The following ADARB2 variants were observed in gnomAD, a reference collection of about 807,000 sequenced individuals.
ADARB2 encodes the protein adenosine deaminase RNA specific B2 (inactive).
ADARB2 carries 25 observed loss-of-function variants against 62.2 expected under a neutral mutation model. The observed-to-expected ratio is 0.40, with a 90% CI of 0.29 to 0.56. The LOEUF (loss-of-function observed/expected upper bound fraction) is 0.56, where lower values mean the gene tolerates loss of function less well. Among genes scored for constraint, ADARB2 ranks in the 20% least tolerant of loss-of-function variants. The pLI is 0.43. For synonymous variants in ADARB2, 572 were observed against 500.8 expected (o/e 1.14, Z -1.90); for missense variants, 1,071 against 1,077.4 (o/e 0.99, Z 0.08).
chr10:1,670,024 G>C (rs371323114), intron 1 of ADARB2, among the ~76,000 whole-genome samples: 6 of 152,240 alleles, frequency 3.9e-5, no homozygotes, highest in Admixed American at 6.5e-5. Context: ...GCGTCTGTGA[G>C]TCTCACACTT....
At chr10:1,569,249 GGAGAGACAGAGAGCGAGAGA>G (rs1210066088) in intron 1 of ADARB2, among the ~76,000 whole-genome samples, 1 of 151,546 alleles carries the variant, frequency 6.6e-6, no homozygotes, top group African/African-American at 2.4e-5. Flanking sequence ...TGGTGGCGGG[GGAGAGACAGAGAGCGAGAGA>G]GAGAGACAGA....
chr10:1,603,178 T>G (rs1439476407), intron 1 of ADARB2, among the ~76,000 whole-genome samples: 1 of 127,426 alleles, frequency 7.8e-6, no homozygotes, highest in Non-Finnish European at 1.7e-5. Flanking sequence ...CACACACACC[T>G]GTACACACAT....
At position 1,347,063 on chromosome 10, in the gene ADARB2, C is replaced by T. The variant is rs115765001; in HGVS notation, c.1077+15965G>A. On this transcript the variant is annotated intron_variant, in intron 3 of 9. Transcript: ENST00000381312. ...AGAACTGCATGTGAACATTCCATCA[C>T]AGATCCTTATTTTCAAGATGAGGAA... is the stretch of plus-strand genomic sequence containing the variant. Among the ~76,000 whole-genome samples the T allele has an allele frequency of 8.3e-3, 1,261 of 152,352 alleles. 10 individuals carry two copies. Among genetic ancestry groups the T allele is most frequent in the African/African-American group, 0.019 (776 of 41,578 alleles).
At chr10:1,594,253 T>C (rs1833303547) in intron 1 of ADARB2, among the ~76,000 whole-genome samples, 1 of 152,154 alleles carries the variant, frequency 6.6e-6, no homozygotes, top group Admixed American at 6.5e-5. Context: ...ATCGTGCCAC[T>C]GCACTCCAGC....
intron 1 of ADARB2, among the ~76,000 whole-genome samples, chr10:1,499,560 C>T (rs1249609850): frequency 6.6e-6 from 1 of 151,958 alleles, no homozygotes; most frequent in Non-Finnish European, 1.5e-5. Context: ...ACTCATCACT[C>T]ATCACTCACT....
Position 1,240,328 on chromosome 10 carries a change from C to CCGGTGTTTACTCCCCTCTGCT in ADARB2, c.1361+1802_1361+1803insAGCAGAGGGGAGTAAACACCG, listed in dbSNP as rs1830903122. ...CCTCCCGGTGTTTACTCCCCTCTGC[C>CCGGTGTTTACTCCCCTCTGCT]TCCCGGTGTTTACTCCCTGTGTCCT... On this transcript the variant is annotated intron_variant, in intron 5 of 9. Coordinates refer to ENST00000381312, the MANE Select transcript of ADARB2 (RefSeq NM_018702.4). The CCGGTGTTTACTCCCCTCTGCT allele has an allele frequency of 5.0e-5, 2 of 40,234 alleles. 1 individual carries two copies. Among genetic ancestry groups the CCGGTGTTTACTCCCCTCTGCT allele is most frequent in the Admixed American group, 3.9e-4 (2 of 5,148 alleles). The allele number at this position is 40,234 out of a possible 1,614,324, so 2.5% of individuals were successfully genotyped here.
At chr10:1,331,506 G>C (rs138552464) in intron 3 of ADARB2, among the ~76,000 whole-genome samples, 2 of 152,180 alleles carry the variant, frequency 1.3e-5, no homozygotes, top group Non-Finnish European at 2.9e-5. Flanking sequence ...GCTCACTTAT[G>C]TGTGATTCTA....
intron 1 of ADARB2, among the ~76,000 whole-genome samples, chr10:1,577,503 A>G (rs1042518326): frequency 6.6e-6 from 1 of 152,216 alleles, no homozygotes; most frequent in Admixed American, 6.5e-5. Context: ...TGGTGACTCT[A>G]TCCAAAAGCA....
intron 2 of ADARB2, among the ~76,000 whole-genome samples, chr10:1,366,085 C>T (rs1832311222): frequency 6.6e-6 from 1 of 152,146 alleles, no homozygotes; most frequent in Admixed American, 6.5e-5. Flanking sequence ...GCGTCTGTGA[C>T]AAGGCTGCTG....
intron 4 of ADARB2, among the ~76,000 whole-genome samples, chr10:1,256,925 C>G (rs995937617): frequency 2.6e-5 from 4 of 152,206 alleles, no homozygotes; most frequent in African/African-American, 9.7e-5. Flanking sequence ...GGATGGCTGA[C>G]AAGGTCTCCT....
rs188591706 is a variant in ADARB2 at position 1,494,586 on chromosome 10, A to T, written c.101-115426T>A. On this transcript the variant is annotated intron_variant, in intron 1 of 9. Coordinates refer to ENST00000381312, the MANE Select transcript of ADARB2 (RefSeq NM_018702.4). ...TTAAATGTTATTTTCAGCTTGGCAGAACATCAACTGCTGAGTACCCTTTAG... is the reference window on the plus strand; with the variant it reads ...TTAAATGTTATTTTCAGCTTGGCAGTACATCAACTGCTGAGTACCCTTTAG... Among the ~76,000 whole-genome samples the T allele has an allele frequency of 2.6e-5, 4 of 152,292 alleles. No homozygotes were observed. In the East Asian group the frequency reaches 7.7e-4, roughly 29 times the overall value.
intron 1 of ADARB2, among the ~76,000 whole-genome samples, chr10:1,413,786 G>C (rs1026712256): frequency 3.3e-5 from 5 of 152,010 alleles, no homozygotes; most frequent in African/African-American, 1.2e-4. Context: ...TTAATTTTTT[G>C]GTCAAAACCC....
intron 3 of ADARB2, among the ~76,000 whole-genome samples, chr10:1,285,693 A>C (rs2131807479): frequency 6.6e-6 from 1 of 152,310 alleles, no homozygotes; most frequent in South Asian, 2.1e-4. Flanking sequence ...ATTGGCTCCG[A>C]TTACCATGGC....
At position 1,183,319 on chromosome 10, in the gene ADARB2, C is replaced by T; in HGVS notation, c.2094G>A (p.Glu698=). The change falls in exon 10 of 10, where the codon GAG becomes GAA. Residue 698 remains glutamate, a synonymous_variant. Transcript: ENST00000381312. The part of the protein sequence containing the change: ...SPGDTPSMYC[E]AKLGAHTYQS... ...GGTAGGTGTGCGCCCCCAGCTTGGC[C>T]TCACAGTACATGGAGGGCGTGTCTC... 1 of 1,614,200 alleles carries T rather than the reference C, an allele frequency of 6.2e-7. No individual in the cohort carries two copies. Among genetic ancestry groups the T allele is most frequent in the Non-Finnish European group, 8.5e-7 (1 of 1,180,052 alleles).
In ADARB2 at chr10:1,734,296, G is replaced by GTTTTTTT. The variant is rs11338512; in HGVS notation, c.100+2748_100+2754dup. ...GAAAGTCATATTCTGTGACGAAGGT[G>GTTTTTTT]TTTTTTTTTTTTTTTTTTTTAAAGA... On this transcript the variant is annotated intron_variant, in intron 1 of 9. Transcript: ENST00000381312. Among the ~76,000 whole-genome samples, 8 of 130,762 alleles carry GTTTTTTT rather than the reference G, an allele frequency of 6.1e-5. No individual in the cohort carries two copies. The East Asian group carries it at 9.1e-4, about 15-fold the overall frequency. 85.8% of individuals were successfully genotyped at this position (130,762 alleles called of 152,430 possible). A position where few individuals can be genotyped will look rare whatever the true frequency, so the allele number is the denominator to read the frequency against.
intron 1 of ADARB2, among the ~76,000 whole-genome samples, chr10:1,594,604 A>AC (rs1234353836): frequency 6.6e-6 from 1 of 152,158 alleles, no homozygotes; most frequent in Non-Finnish European, 1.5e-5. Context: ...AGGGCCTCAG[A>AC]CAGACCCTTT....
At chr10:1,289,081 A>G (rs56380622) in intron 3 of ADARB2, among the ~76,000 whole-genome samples, 2,513 of 152,262 alleles carry the variant, frequency 0.017, 74 homozygotes, top group African/African-American at 0.057. Flanking sequence ...AACAGTGACC[A>G]TCTGTTCCCT....
At chr10:1,490,203 T>C in intron 1 of ADARB2, among the ~76,000 whole-genome samples, 1 of 152,188 alleles carries the variant, frequency 6.6e-6, no homozygotes, top group South Asian at 2.1e-4. Flanking sequence ...AGGACTTGCC[T>C]TGGGAACTTG....
At chr10:1,271,767 C>A (rs1831265661) in intron 3 of ADARB2, among the ~76,000 whole-genome samples, 1 of 152,210 alleles carries the variant, frequency 6.6e-6, no homozygotes. Flanking sequence ...CGCCCTTTCC[C>A]CGGCTCCTCT....
Sources: gnomAD v4.1 joint callset for allele counts (sites outside exome capture counted in the v4.1 genomes callset) on GRCh38, gnomAD v4.1.1 for gene constraint, MANE v1.5 for transcripts, NCBI Gene and HGNC (gene_info 2026-07-23, HGNC 2026-07-21) for gene names.